The following NOXRED1 variants were observed in gnomAD, a reference collection of about 807,000 sequenced individuals.
NOXRED1 encodes the protein NADP dependent oxidoreductase domain containing 1.
NOXRED1 carries 20 observed loss-of-function variants against 30.4 expected under a neutral mutation model. The ratio of observed to expected loss-of-function variants is 0.66; its 90% CI spans 0.46 to 0.96. The LOEUF is 0.96. NOXRED1 is among the 40% of genes least tolerant of loss of function. The pLI, the probability that NOXRED1 is intolerant of heterozygous loss-of-function variation, is 0.00. For synonymous variants in NOXRED1, 155 were observed against 168.0 expected (o/e 0.92, Z 0.60); for missense variants, 374 against 428.0 (o/e 0.87, Z 1.11).
intron 2 of NOXRED1, among the ~76,000 whole-genome samples, chr14:77,412,217 T>C (rs920473331): frequency 6.6e-6 from 1 of 151,994 alleles, no homozygotes; most frequent in African/African-American, 2.4e-5. Context: ...CATAGTTACA[T>C]AAATTATGGT....
rs577987877 is a variant in NOXRED1 at position 77,405,480 on chromosome 14, G to C, written c.905+433C>G. ...AGAGGAGGAACTACATCTCTATCAAGTGGAAAAGGAGTGAATAAATTTAAT... is the reference window on the plus strand; with the variant it reads ...AGAGGAGGAACTACATCTCTATCAACTGGAAAAGGAGTGAATAAATTTAAT... On this transcript the variant is annotated intron_variant, in intron 5 of 5. Transcript: ENST00000380835. 1.1e-4 allele frequency among the ~76,000 whole-genome samples: 16 copies of C among 152,318 alleles called. No individual in the cohort carries two copies. The South Asian group carries it at 3.3e-3, about 32-fold the overall frequency.
At chr14:77,400,830 T>C (rs1240829524) in intron 5 of NOXRED1, among the ~76,000 whole-genome samples, 1 of 152,246 alleles carries the variant, frequency 6.6e-6, no homozygotes, top group African/African-American at 2.4e-5. Flanking sequence ...TTACCATTTA[T>C]ATTAGAACCC....
intron 2 of NOXRED1, among the ~76,000 whole-genome samples, chr14:77,413,640 G>C (rs553402521): frequency 4.6e-5 from 7 of 152,216 alleles, no homozygotes; most frequent in East Asian, 3.9e-4. Context: ...AACTGATTCA[G>C]TTAGAAGATC....
chr14:77,396,998 A>T (rs1894205964), intron 5 of NOXRED1, among the ~76,000 whole-genome samples: 1 of 152,240 alleles, frequency 6.6e-6, no homozygotes, highest in African/African-American at 2.4e-5. Context: ...GCAGTGTCTT[A>T]AAAAAATAAA....
At position 77,422,966 on chromosome 14, in the gene NOXRED1, A is replaced by T. The variant is rs1895041278; in HGVS notation, c.-77T>A. 1.6e-6 allele frequency: 2 copies of T among 1,258,874 alleles called. No individual in the cohort carries two copies. The highest frequency in any genetic ancestry group is 2.3e-6 in the Non-Finnish European group (2 of 887,042). The allele number at this position is 1,258,874 out of a possible 1,614,324, so 78.0% of individuals were successfully genotyped here. A position where few individuals can be genotyped will look rare whatever the true frequency, so the allele number is the denominator to read the frequency against. On this transcript the variant is annotated 5_prime_UTR_variant, in exon 1 of 6. Coordinates refer to ENST00000380835, the MANE Select transcript of NOXRED1 (RefSeq NM_001113475.3). ...GTCCCGGTAGAAGAGGGGTCTATGT[A>T]GGAGGTGTGTGTATGATGGTGTGTG...
chr14:77,424,261 T>A (rs1029753881), upstream of NOXRED1, among the ~76,000 whole-genome samples: 3 of 152,110 alleles, frequency 2.0e-5, no homozygotes, highest in African/African-American at 7.2e-5. Context: ...CCAGCCTGAC[T>A]AACACGGTGA....
intron 1 of NOXRED1, among the ~76,000 whole-genome samples, chr14:77,417,437 T>C (rs1278666426): frequency 6.6e-5 from 10 of 152,262 alleles, no homozygotes; most frequent in Non-Finnish European, 1.5e-4. Flanking sequence ...TGTCAATATT[T>C]GCCTCATATA....
At chr14:77,417,364 G>C (rs8003282) in intron 1 of NOXRED1, among the ~76,000 whole-genome samples, 25,793 of 152,114 alleles carry the variant, frequency 0.17, 2,458 homozygotes, top group Middle Eastern at 0.28. Context: ...TTGTCTGGTT[G>C]TTCTATCCAT....
chr14:77,399,236 T>A (rs1894263144), intron 5 of NOXRED1, among the ~76,000 whole-genome samples: 1 of 151,864 alleles, frequency 6.6e-6, no homozygotes, highest in Admixed American at 6.6e-5. Flanking sequence ...GGTGGGAGGA[T>A]TGTTTGAGCC....
At chr14:77,409,260 AC>A (rs972983069) in intron 2 of NOXRED1, among the ~76,000 whole-genome samples, 1 of 152,112 alleles carries the variant, frequency 6.6e-6, no homozygotes, top group African/African-American at 2.4e-5. Context: ...TGTACTCCCC[AC>A]GTGTTGAGGG....
chr14:77,414,086 A>T lies in NOXRED1; in HGVS notation c.197T>A (p.Ile66Asn). 1 of 1,605,782 alleles carries T rather than the reference A, an allele frequency of 6.2e-7. No homozygotes were observed. Among genetic ancestry groups the T allele is most frequent in the African/African-American group, 1.3e-5 (1 of 74,872 alleles). Reference protein sequence around the residue: ...NKNQSSRHLSIGSLNSATPEE... With the variant: ...NKNQSSRHLSNGSLNSATPEE... ...AGGAGTGGCTGAATTAAGGGAGCCA[A>T]TTGAGAGATGTCTGGAACTTTGATT... Residue 66 changes from isoleucine to asparagine, a missense_variant, in exon 2 of 6, where the codon ATT (isoleucine) becomes AAT (asparagine). Coordinates refer to ENST00000380835, the MANE Select transcript of NOXRED1 (RefSeq NM_001113475.3).
upstream of NOXRED1, among the ~76,000 whole-genome samples, chr14:77,424,530 C>T (rs149900982): frequency 6.9e-4 from 105 of 152,254 alleles, 2 homozygotes; most frequent in East Asian, 0.02. Flanking sequence ...GGGGCATGGA[C>T]GTTCTCATCA....
upstream of NOXRED1, among the ~76,000 whole-genome samples, chr14:77,424,020 T>C (rs1290534332): frequency 6.6e-6 from 1 of 152,200 alleles, no homozygotes; most frequent in Non-Finnish European, 1.5e-5. Flanking sequence ...GAACCACCAA[T>C]CTGCTTTCTG....
At chr14:77,411,492 C>G (rs1400934824) in intron 2 of NOXRED1, among the ~76,000 whole-genome samples, 1 of 135,620 alleles carries the variant, frequency 7.4e-6, no homozygotes, top group African/African-American at 2.8e-5. Flanking sequence ...AAAAAAAAAA[C>G]TTGGATATAT....
In NOXRED1 at chr14:77,422,927, C is replaced by T. The variant is rs369564482; in HGVS notation, c.-38G>A. 5 of 1,576,978 alleles carry T rather than the reference C, an allele frequency of 3.2e-6. No homozygotes were observed. The African/African-American group carries it at 6.8e-5, about 21-fold the overall frequency. ...ATTTCCTGCAGTGATAGACACTAAT[C>T]AATTTGGCTCCCTGTCCCGGTAGAA... On this transcript the variant is annotated 5_prime_UTR_variant, in exon 1 of 6. Transcript: ENST00000380835.
chr14:77,406,099 ACTCC>A lies in NOXRED1; in HGVS notation c.715_718del (p.Gly239CysfsTer6). The A allele has an allele frequency of 6.2e-7, 1 of 1,613,564 alleles. No homozygotes were observed. Among genetic ancestry groups the A allele is most frequent in the Non-Finnish European group, 8.5e-7 (1 of 1,179,668 alleles). Reference sequence around the variant, plus strand: ...GCATATGTTTAGGGCCGCATAGAACACTCCCTCCAACCACTTGATATTGAGGATT... The same window carrying A: ...GCATATGTTTAGGGCCGCATAGAACACTCCAACCACTTGATATTGAGGATT... On this transcript the variant is annotated frameshift_variant, in exon 5 of 6. Coordinates refer to ENST00000380835, the MANE Select transcript of NOXRED1 (RefSeq NM_001113475.3). LOFTEE classifies it high-confidence loss of function.
intron 5 of NOXRED1, among the ~76,000 whole-genome samples, chr14:77,398,080 T>C (rs1222852525): frequency 6.6e-6 from 1 of 152,098 alleles, no homozygotes. Flanking sequence ...TGCTCAGAAG[T>C]AGCTTGCTGG....
intron 2 of NOXRED1, among the ~76,000 whole-genome samples, chr14:77,407,961 G>A (rs1417655947): frequency 6.8e-6 from 1 of 146,618 alleles, no homozygotes; most frequent in Non-Finnish European, 1.5e-5. Flanking sequence ...TCCGCCTCCC[G>A]GGTTCAAGCG....
chr14:77,412,793 G>T (rs1894697148), intron 2 of NOXRED1, among the ~76,000 whole-genome samples: 1 of 152,044 alleles, frequency 6.6e-6, no homozygotes, highest in African/African-American at 2.4e-5. Context: ...GATTACAGGT[G>T]TGGGCAAATC....
Sources: gnomAD v4.1 joint callset for allele counts (sites outside exome capture counted in the v4.1 genomes callset) on GRCh38, gnomAD v4.1.1 for gene constraint, MANE v1.5 for transcripts, NCBI Gene and HGNC (gene_info 2026-07-23, HGNC 2026-07-21) for gene names.